BAX: variants seen among roughly 807,000 people sequenced by gnomAD.
The protein encoded by BAX is apoptosis regulator BAX.
BAX carries 21 observed loss-of-function variants against 26.8 expected under a neutral mutation model. The observed-to-expected ratio is 0.78, with a 90% CI of 0.56 to 1.13. The LOEUF is 1.13. BAX is among the 50% of genes most tolerant of loss of function. The pLI, the probability that BAX is intolerant of heterozygous loss-of-function variation, is 0.00. For missense variants in BAX, 236 were observed against 254.6 expected, an observed-to-expected ratio of 0.93 and a Z score of 0.50; for synonymous variants, 110 against 101.8, an observed-to-expected ratio of 1.08 and a Z score of -0.49.
At chr19:48,961,085 C>G in intron 5 of BAX, 171 bp downstream of exon 5, 6 of 1,593,210 alleles carry the variant, frequency 3.8e-6, no homozygotes, top group Non-Finnish European at 5.1e-6. Flanking sequence ...ATGCGTTTTC[C>G]TTACGTGTCT....
intron 4 of BAX, chr19:48,960,159 G>GA (rs1240881425): frequency 1.7e-5 from 7 of 416,064 alleles, no homozygotes; most frequent in Non-Finnish European, 3.3e-5. Context: ...TGGGGCAGTT[G>GA]AGAGTAACAT....
intron 4 of BAX, chr19:48,960,346 ACC>A (rs1384671370): frequency 2.8e-6 from 1 of 360,704 alleles, no homozygotes; most frequent in East Asian, 9.3e-5. Flanking sequence ...GGTGCCTGCC[ACC>A]ACACCCAGCT....
At position 48,961,145 on chromosome 19, in the gene BAX, C is replaced by G. The variant is rs150314785; in HGVS notation, c.474+231C>G. The stretch of plus-strand genomic sequence containing the variant: ...TGCTGACCTCCCAGTGACCCCTGAC[C>G]TCACTGTGACCTTGACTTGATTAGT... On this transcript the variant is annotated intron_variant, in intron 5 of 5. Coordinates refer to ENST00000345358, the MANE Select transcript of BAX (RefSeq NM_138761.4). 4 of 1,541,910 alleles carry G rather than the reference C, an allele frequency of 2.6e-6. No individual in the cohort carries two copies. The South Asian group carries it at 4.9e-5, about 19-fold the overall frequency.
chr19:48,955,721 G>T lies in BAX; in HGVS notation c.121G>T (p.Glu41Ter). ...IQDRAGRMGG[E>*]APELALDPVP... Reference sequence around the variant, plus strand: ...GGATCGAGCAGGGCGAATGGGGGGGGAGGCACCCGAGCTGGCCCTGGACCC... The same window carrying T: ...GGATCGAGCAGGGCGAATGGGGGGGTAGGCACCCGAGCTGGCCCTGGACCC... The change falls in exon 3 of 6, where the codon GAG (glutamate) becomes TAG (stop). Residue 41 changes from glutamate (E) to a stop codon, truncating the protein, a stop_gained. Coordinates refer to ENST00000345358, the MANE Select transcript of BAX (RefSeq NM_138761.4). LOFTEE classifies it high-confidence loss of function. The T allele has an allele frequency of 6.2e-7, 1 of 1,612,894 alleles. No individual in the cohort carries two copies. Among genetic ancestry groups the T allele is most frequent in the Non-Finnish European group, 8.5e-7 (1 of 1,179,390 alleles).
chr19:48,955,642 G>A (rs377156983), intron 2 of BAX, 43 bp downstream of exon 2: 49 of 1,612,830 alleles, frequency 3.0e-5, no homozygotes, highest in Non-Finnish European at 4.0e-5. Flanking sequence ...TTTGAGGAGT[G>A]ACACCCCGTT....
chr19:48,960,454 C>T, intron 4 of BAX: 1 of 331,386 alleles, frequency 3.0e-6, no homozygotes, highest in South Asian at 2.4e-5. Flanking sequence ...ACCTCCGCCT[C>T]CCGGGTTCAA....
intron 4 of BAX, among the ~76,000 whole-genome samples, chr19:48,957,238 C>T (rs543769731): frequency 3.2e-5 from 4 of 123,158 alleles, no homozygotes; most frequent in Non-Finnish European, 5.1e-5. Context: ...TGGAGTTTTT[C>T]GGGCTGCTGG....
rs772133190 is a variant in BAX at position 48,955,720 on chromosome 19, G to A, written c.120G>A (p.Gly40=). Residue 40 remains glycine, a synonymous_variant, in exon 3 of 6, where the codon GGG becomes GGA. Coordinates refer to ENST00000345358, the MANE Select transcript of BAX (RefSeq NM_138761.4). ...AGGATCGAGCAGGGCGAATGGGGGGGGAGGCACCCGAGCTGGCCCTGGACC... is the reference window on the plus strand; with the variant it reads ...AGGATCGAGCAGGGCGAATGGGGGGAGAGGCACCCGAGCTGGCCCTGGACC... ...FIQDRAGRMG[G]EAPELALDPV... 6.2e-6 allele frequency: 10 copies of A among 1,612,800 alleles called. No homozygotes were observed. The highest frequency in any genetic ancestry group is 2.2e-5 in the East Asian group (1 of 44,850).
rs2038056978 is a variant in BAX at position 48,954,875 on chromosome 19, G to A, written c.-54G>A. On this transcript the variant is annotated 5_prime_UTR_variant, in exon 1 of 6. Transcript: ENST00000345358. ...AGCGGGGCTCTCACGTGACCCGGGC[G>A]CGCTGCGGCCGCCCGCGCGGACCCG... The A allele has an allele frequency of 2.5e-6, 3 of 1,218,812 alleles. No homozygotes were observed. The highest frequency in any genetic ancestry group is 3.1e-6 in the Non-Finnish European group (3 of 977,506). The allele number at this position is 1,218,812 out of a possible 1,614,324, so 75.5% of individuals were successfully genotyped here.
In BAX at chr19:48,954,976, C is replaced by T. The variant is rs1293105364; in HGVS notation, c.34+14C>T. On this transcript the variant is annotated intron_variant, in intron 1 of 5. Coordinates refer to ENST00000345358, the MANE Select transcript of BAX (RefSeq NM_138761.4). ...CCAGAGGCGGGGGTGAGGCGGGAGG[C>T]AGACGGGCGGGAGGAGGGCGAGCCC... 1 of 1,239,334 alleles carries T rather than the reference C, an allele frequency of 8.1e-7. No homozygotes were observed. The highest frequency in any genetic ancestry group is 1.5e-5 in the African/African-American group (1 of 64,712). The allele number at this position is 1,239,334 out of a possible 1,614,324, so 76.8% of individuals were successfully genotyped here.
rs1462951967 is a variant in BAX at position 48,960,854 on chromosome 19, C to A, written c.414C>A (p.Gly138=). 1.2e-6 allele frequency: 2 copies of A among 1,614,170 alleles called. No individual in the cohort carries two copies. The highest frequency in any genetic ancestry group is 2.2e-5 in the South Asian group (2 of 91,078). ...CGGAACTGATCAGAACCATCATGGG[C>A]TGGACATTGGACTTCCTCCGGGAGC... is the stretch of plus-strand genomic sequence containing the variant. ...KVPELIRTIM[G]WTLDFLRERL... The change falls in exon 5 of 6, where the codon GGC becomes GGA. Residue 138 remains glycine, a synonymous_variant. Transcript: ENST00000345358.
intron 4 of BAX, among the ~76,000 whole-genome samples, chr19:48,956,967 A>G (rs1178407681): frequency 6.8e-6 from 1 of 146,556 alleles, no homozygotes; most frequent in African/African-American, 2.5e-5. Flanking sequence ...CCACCGCAAC[A>G]AGCCAGGAAA....
Position 48,961,521 on chromosome 19 carries a change from C to G in BAX, c.475-11C>G, listed in dbSNP as rs1331573872. ...CCGAGTCACTGAAGCGACTGATGTC[C>G]CTGTCTCCAGGACGGCCTCCTCTCC... On this transcript the variant is annotated splice_polypyrimidine_tract_variant and intron_variant, in intron 5 of 5. Transcript: ENST00000345358. 2 of 1,597,940 alleles carry G rather than the reference C, an allele frequency of 1.3e-6. No homozygotes were observed. The highest frequency in any genetic ancestry group is 1.7e-6 in the Non-Finnish European group (2 of 1,171,076).
chr19:48,960,242 G>A (rs1255607437), intron 4 of BAX: 4 of 446,126 alleles, frequency 9.0e-6, no homozygotes, highest in Non-Finnish European at 1.8e-5. Context: ...TGTCCAGGCT[G>A]GCGTGAAATG....
In BAX at chr19:48,956,191, C is replaced by T; in HGVS notation, c.234-7C>T. ...CTCCCCGGCACTGGTTCTCCTCTCT[C>T]CTGCAGGATGATTGCCGCCGTGGAC... is the stretch of plus-strand genomic sequence containing the variant. On this transcript the variant is annotated splice_polypyrimidine_tract_variant and splice_region_variant and intron_variant, in intron 3 of 5. Transcript: ENST00000345358. The T allele has an allele frequency of 2.6e-6, 4 of 1,521,948 alleles. No homozygotes were observed. The highest frequency in any genetic ancestry group is 3.5e-6 in the Non-Finnish European group (4 of 1,133,820). 94.3% of individuals were successfully genotyped at this position (1,521,948 alleles called of 1,614,324 possible).
chr19:48,959,018 C>G (rs115818004), intron 4 of BAX, among the ~76,000 whole-genome samples: 16 of 151,660 alleles, frequency 1.1e-4, no homozygotes, highest in African/African-American at 3.9e-4. Flanking sequence ...GAGAGCAGGT[C>G]GGGGTCCATG....
At position 48,955,819 on chromosome 19, in the gene BAX, C is replaced by T. The variant is rs1271021832; in HGVS notation, c.219C>T (p.Asn73=). 1 of 1,601,280 alleles carries T rather than the reference C, an allele frequency of 6.2e-7. No individual in the cohort carries two copies. Among genetic ancestry groups the T allele is most frequent in the South Asian group, 1.1e-5 (1 of 89,786 alleles). Residue 73 remains asparagine, a synonymous_variant, in exon 3 of 6, where the codon AAC becomes AAT. Coordinates refer to ENST00000345358, the MANE Select transcript of BAX (RefSeq NM_138761.4). ...LKRIGDELDS[N]MELQRMIAAV... ...GCATCGGGGACGAACTGGACAGTAA[C>T]ATGGAGCTGCAGAGGTGTGGGCCCC...
At chr19:48,961,200 C>T in intron 5 of BAX, 1 of 1,488,202 alleles carries the variant, frequency 6.7e-7, no homozygotes, top group East Asian at 2.3e-5. Context: ...GCCTCCACTG[C>T]CTCTGGAATT....
chr19:48,961,641 C>T lies in BAX; in HGVS notation c.*5C>T, dbSNP rs1375535868. The T allele has an allele frequency of 6.3e-7, 1 of 1,589,408 alleles. No individual in the cohort carries two copies. Among genetic ancestry groups the T allele is most frequent in the Non-Finnish European group, 8.6e-7 (1 of 1,166,228 alleles). ...ATCTGGAAGAAGATGGGCTGAGGCC[C>T]CCAGCTGCCTTGGACTGTGTTTTTC... is the stretch of plus-strand genomic sequence containing the variant. On this transcript the variant is annotated 3_prime_UTR_variant, in exon 6 of 6. Coordinates refer to ENST00000345358, the MANE Select transcript of BAX (RefSeq NM_138761.4).
Sources: gnomAD v4.1 joint callset for allele counts (sites outside exome capture counted in the v4.1 genomes callset) on GRCh38, gnomAD v4.1.1 for gene constraint, MANE v1.5 for transcripts, NCBI Gene and HGNC (gene_info 2026-07-23, HGNC 2026-07-21) for gene names.